The following ORC2 variants were observed in gnomAD, a reference collection of about 807,000 sequenced individuals.
ORC2 encodes origin recognition complex subunit 2.
In ORC2, 37 loss-of-function variants were observed where a neutral mutation model predicts 77.7. The observed-to-expected ratio is 0.48, with a 90% CI of 0.37 to 0.63. The LOEUF (loss-of-function observed/expected upper bound fraction) is 0.63, where lower values mean the gene tolerates loss of function less well. ORC2 is among the 20% of genes least tolerant of loss of function. The probability of loss-of-function intolerance (pLI) is 0.00; values close to 1 mark genes in which losing one functional copy is unlikely to be tolerated. For missense variants in ORC2, 557 were observed against 661.9 expected (o/e 0.84, Z 1.74); for synonymous variants, 201 against 229.5 (o/e 0.88, Z 1.12).
rs937331243 is a variant in ORC2, at chr2:200,928,630, G to A, written c.918-1730C>T. 2.2e-4 allele frequency among the ~76,000 whole-genome samples: 34 copies of A among 151,668 alleles called. 1 individual carries two copies. Among genetic ancestry groups the A allele is most frequent in the Admixed American group, 1.2e-3 (18 of 15,218 alleles). Reference sequence around the variant, plus strand: ...AGATCGAGACCATCTTGGCTAACACGGTGAAATCCTGTCTCTACTAAAAAT... The same window carrying A: ...AGATCGAGACCATCTTGGCTAACACAGTGAAATCCTGTCTCTACTAAAAAT... On this transcript the variant is annotated intron_variant, in intron 11 of 17. Transcript: ENST00000234296.
chr2:200,959,540 G>T (rs2041531304), intron 1 of ORC2, 100 bp from the exon 2 acceptor site: 1 of 152,194 alleles, frequency 6.6e-6, no homozygotes, highest in African/African-American at 2.4e-5. Context: ...ATGATGAATA[G>T]ATACATGTAG....
intron 16 of ORC2, 132 bp downstream of exon 16, chr2:200,913,799 A>G (rs1162510395): frequency 9.2e-6 from 13 of 1,420,764 alleles, no homozygotes; most frequent in African/African-American, 1.5e-5. Flanking sequence ...GCTATGTGGC[A>G]GACATACCCA....
chr2:200,952,984 C>T lies in ORC2; in HGVS notation c.239-3341G>A, dbSNP rs148936904. Among the ~76,000 whole-genome samples the T allele has an allele frequency of 4.0e-3, 600 of 151,724 alleles. 5 individuals are homozygous for T. Among genetic ancestry groups the T allele is most frequent in the African/African-American group, 0.014 (570 of 41,346 alleles). On this transcript the variant is annotated intron_variant, in intron 4 of 17. Coordinates refer to ENST00000234296, the MANE Select transcript of ORC2 (RefSeq NM_006190.5). ...AAAACTAGCCAGGCATGGTGGTCCGCACCTGTAGTTGCAGCTACTCAGGAG... is the reference window on the plus strand; with the variant it reads ...AAAACTAGCCAGGCATGGTGGTCCGTACCTGTAGTTGCAGCTACTCAGGAG...
At chr2:200,923,186 G>A (rs532281271) in intron 13 of ORC2, among the ~76,000 whole-genome samples, 101 of 152,300 alleles carry the variant, frequency 6.6e-4, no homozygotes, top group African/African-American at 2.4e-3. Context: ...AGGAAATACA[G>A]GGTTAGGTTC....
intron 16 of ORC2, chr2:200,913,665 G>T: frequency 7.5e-7 from 1 of 1,329,614 alleles, no homozygotes; most frequent in Non-Finnish European, 9.6e-7. Context: ...TGAAAAATAT[G>T]TACTTGGCAG....
chr2:200,943,107 T>C, intron 5 of ORC2: 1 of 164,006 alleles, frequency 6.1e-6, no homozygotes, highest in East Asian at 1.7e-4. Flanking sequence ...TTGAGGCACA[T>C]CTTTGATGGG....
At chr2:200,956,286 G>A (rs1475792014) in intron 4 of ORC2, among the ~76,000 whole-genome samples, 1 of 152,000 alleles carries the variant, frequency 6.6e-6, no homozygotes, top group Non-Finnish European at 1.5e-5. Context: ...CTGGAGTGTA[G>A]TGGTATGATC....
intron 4 of ORC2, among the ~76,000 whole-genome samples, chr2:200,954,030 CTTTT>C (rs1002434119): frequency 6.7e-6 from 1 of 150,000 alleles, no homozygotes; most frequent in Non-Finnish European, 1.5e-5. Context: ...TTCTTTCTTT[CTTTT>C]TCTTTTTTTT....
intron 15 of ORC2, among the ~76,000 whole-genome samples, chr2:200,916,721 G>A (rs2040659656): frequency 6.6e-6 from 1 of 151,764 alleles, no homozygotes; most frequent in African/African-American, 2.4e-5. Context: ...TATTTTATTT[G>A]AGACGGAGTC....
At chr2:200,934,401 A>G (rs918052753) in intron 9 of ORC2, among the ~76,000 whole-genome samples, 2 of 150,982 alleles carry the variant, frequency 1.3e-5, no homozygotes, top group Non-Finnish European at 3.0e-5. Context: ...TGTACCCCCA[A>G]CCTCCTGGGC....
chr2:200,916,443 C>T (rs2040652573), intron 15 of ORC2, among the ~76,000 whole-genome samples: 2 of 151,734 alleles, frequency 1.3e-5, no homozygotes, highest in South Asian at 2.1e-4. Context: ...CGAGATCTTG[C>T]CACTGCACTC....
At chr2:200,930,553 C>A (rs2040922651) in intron 11 of ORC2, among the ~76,000 whole-genome samples, 1 of 149,044 alleles carries the variant, frequency 6.7e-6, no homozygotes, top group South Asian at 2.1e-4. Flanking sequence ...AACCCCTGGG[C>A]TCAAGCAATC....
Position 200,950,753 on chromosome 2 carries a change from T to C in ORC2, c.239-1110A>G, listed in dbSNP as rs574174287. Reference sequence around the variant, plus strand: ...TTTTTGTCAATACTTAATGGATTTATTAGAAAATGGTGTCAAACTTTCCAA... The same window carrying C: ...TTTTTGTCAATACTTAATGGATTTACTAGAAAATGGTGTCAAACTTTCCAA... On this transcript the variant is annotated intron_variant, in intron 4 of 17. Coordinates refer to ENST00000234296, the MANE Select transcript of ORC2 (RefSeq NM_006190.5). Among the ~76,000 whole-genome samples, 4 of 152,236 alleles carry C rather than the reference T, an allele frequency of 2.6e-5. No homozygotes were observed. The East Asian group carries it at 5.8e-4, about 22-fold the overall frequency.
chr2:200,921,946 C>G (rs949362651), intron 13 of ORC2, among the ~76,000 whole-genome samples: 1 of 151,908 alleles, frequency 6.6e-6, no homozygotes, highest in African/African-American at 2.4e-5. Context: ...CTAAAGAAAG[C>G]AGCTTTAATA....
In ORC2 at chr2:200,920,398, C is replaced by T. The variant is rs375761272; in HGVS notation, c.1295-5G>A. The T allele has an allele frequency of 6.0e-6, 9 of 1,511,006 alleles. No homozygotes were observed. In the African/African-American group the frequency reaches 1.2e-4, roughly 21 times the overall value. 93.6% of individuals were successfully genotyped at this position (1,511,006 alleles called of 1,614,324 possible). On this transcript the variant is annotated splice_polypyrimidine_tract_variant and splice_region_variant and intron_variant, in intron 14 of 17. Transcript: ENST00000234296. The stretch of plus-strand genomic sequence containing the variant: ...TCTGCTTTGCATGATCCCACACTAG[C>T]ACATGATCAAAGAAAACAAGAATTA...
chr2:200,961,917 G>T (rs1365603779), intron 1 of ORC2, among the ~76,000 whole-genome samples: 3 of 152,110 alleles, frequency 2.0e-5, no homozygotes, highest in Non-Finnish European at 4.4e-5. Flanking sequence ...GGGATGTGGG[G>T]ACAAGATTTT....
intron 7 of ORC2, among the ~76,000 whole-genome samples, chr2:200,938,974 G>C (rs2041099033): frequency 6.6e-6 from 1 of 151,856 alleles, no homozygotes; most frequent in Non-Finnish European, 1.5e-5. Context: ...GGGAGGTGGA[G>C]GTTGCGGTGA....
At chr2:200,922,179 G>A (rs1006310264) in intron 13 of ORC2, among the ~76,000 whole-genome samples, 4 of 151,322 alleles carry the variant, frequency 2.6e-5, no homozygotes, top group African/African-American at 9.7e-5. Context: ...TACTGCTCAA[G>A]GCATCAGGAA....
intron 10 of ORC2, among the ~76,000 whole-genome samples, chr2:200,933,049 G>C (rs191942991): frequency 2.6e-4 from 40 of 152,220 alleles, no homozygotes; most frequent in Admixed American, 5.9e-4. Flanking sequence ...CCTATTGTGA[G>C]TCTAGACTCA....
Sources: allele counts gnomAD v4.1 joint callset (sites outside exome capture counted in the v4.1 genomes callset), GRCh38; gene constraint gnomAD v4.1.1; transcripts MANE v1.5; gene names NCBI Gene and HGNC (gene_info 2026-07-23, HGNC 2026-07-21).